The following VPS16 variants were observed in gnomAD, a reference collection of about 807,000 sequenced individuals.
VPS16 encodes the protein VPS16 core subunit of CORVET and HOPS complexes, also known as vacuolar protein sorting-associated protein 16 homolog.
VPS16 carries 82 observed loss-of-function variants against 116.0 expected under a neutral mutation model. That is an observed-to-expected ratio of 0.71 (90% CI 0.59 to 0.85). The LOEUF is 0.85. Ranked by LOEUF, VPS16 falls within the 40% of genes least tolerant of loss-of-function variation. The probability of loss-of-function intolerance (pLI) is 0.00; values close to 1 mark genes in which losing one functional copy is unlikely to be tolerated. For synonymous variants in VPS16, 406 were observed against 420.7 expected, an observed-to-expected ratio of 0.96 and a Z score of 0.43; for missense variants, 928 against 1,090.6, an observed-to-expected ratio of 0.85 and a Z score of 2.10.
At chr20:2,842,760 CTATA>C (rs1476503883) in intron 1 of VPS16, among the ~76,000 whole-genome samples, 4 of 76,028 alleles carry the variant, frequency 5.3e-5, no homozygotes, top group South Asian at 9.9e-4. Flanking sequence ...ATGTATCTAT[CTATA>C]GATAGACATA....
chr20:2,861,126 C>G, intron 7 of VPS16, 34 bp downstream of exon 7: 1 of 1,614,194 alleles, frequency 6.2e-7, no homozygotes, highest in Non-Finnish European at 8.5e-7. Context: ...GGTACTGTGC[C>G]TTGTCCAGGG....
rs2042423032 is a variant in VPS16, at chr20:2,863,752, ACT to A, written c.1477-194_1477-193del. 6.6e-6 allele frequency among the ~76,000 whole-genome samples: 1 copy of A among 151,612 alleles called. No homozygotes were observed. The highest frequency in any genetic ancestry group is 6.6e-5 in the Admixed American group (1 of 15,198). ...ACTCCAGCCTGGGCGACAGAGCAAG[ACT>A]CTGTCTCAAAAAAAAAGAAAGAAGT... On this transcript the variant is annotated intron_variant, in intron 15 of 23. Coordinates refer to ENST00000380445, the MANE Select transcript of VPS16 (RefSeq NM_022575.4). The surrounding 1 kb of genome is among the most constrained non-coding windows in gnomAD (Gnocchi z 4.4).
Position 2,865,662 on chromosome 20 carries a change from T to A in VPS16, c.2271+167T>A, listed in dbSNP as rs556807008. Among the ~76,000 whole-genome samples, 1 of 152,304 alleles carries A rather than the reference T, an allele frequency of 6.6e-6. No homozygotes were observed. Among genetic ancestry groups the A allele is most frequent in the Non-Finnish European group, 1.5e-5 (1 of 68,020 alleles). On this transcript the variant is annotated intron_variant, in intron 22 of 23. Transcript: ENST00000380445. This position sits in a 1 kb window ranked among gnomAD's most constrained non-coding sequence, Gnocchi z 5.2. ...ATTTGTGGGCAGGCATCATCTGCTG[T>A]GTTGGGTGCACTGGAGGATGGGTCC...
Position 2,863,512 on chromosome 20 carries a change from C to T in VPS16, c.1476+114C>T. On this transcript the variant is annotated intron_variant, in intron 15 of 23. Coordinates refer to ENST00000380445, the MANE Select transcript of VPS16 (RefSeq NM_022575.4). This position sits in a 1 kb window ranked among gnomAD's most constrained non-coding sequence, Gnocchi z 4.4. ...GCACGGTGGCTCATGCCTGTAATCC[C>T]AACACTTTGGGAGGCTGAGGCGGGC... The T allele has an allele frequency of 9.3e-7, 1 of 1,079,440 alleles. No homozygotes were observed. Among genetic ancestry groups the T allele is most frequent in the Non-Finnish European group, 1.4e-6 (1 of 736,690 alleles). The allele number at this position is 1,079,440 out of a possible 1,614,324, so 66.9% of individuals were successfully genotyped here.
In VPS16 at chr20:2,865,537, A is replaced by G. The variant is rs1043579688; in HGVS notation, c.2271+42A>G. The G allele has an allele frequency of 6.3e-6, 10 of 1,575,552 alleles. No homozygotes were observed. The highest frequency in any genetic ancestry group is 5.2e-5 in the Admixed American group (3 of 58,072). ...CCTCCAGCCCACTTCCAGTGAGGGT[A>G]GTCTTCGGGAGAGAGGGCTAGGCAG... On this transcript the variant is annotated intron_variant, in intron 22 of 23. Transcript: ENST00000380445. The surrounding 1 kb of genome is among the most constrained non-coding windows in gnomAD (Gnocchi z 5.2).
In VPS16 at chr20:2,860,158, A is replaced by G; in HGVS notation, c.240+7A>G. 1.2e-6 allele frequency: 2 copies of G among 1,614,016 alleles called. No homozygotes were observed. Among genetic ancestry groups the G allele is most frequent in the Non-Finnish European group, 1.7e-6 (2 of 1,180,000 alleles). On this transcript the variant is annotated splice_region_variant and intron_variant, in intron 3 of 23. Coordinates refer to ENST00000380445, the MANE Select transcript of VPS16 (RefSeq NM_022575.4). This position sits in a 1 kb window ranked among gnomAD's most constrained non-coding sequence, Gnocchi z 6.1. ...GCCTCTGGCCAGCCTGCTGGTGAGC[A>G]CTTCTGATGGTCCCTGGGGCTCAGG...
rs775424332 is a variant in VPS16 at position 2,865,262 on chromosome 20, G to A, written c.2119G>A (p.Gly707Ser). Residue 707 changes from glycine (G) to serine (S), a missense_variant, in exon 21 of 24, where the codon GGT (glycine) becomes AGT (serine). Physicochemically the swap from Gly to Ser is moderately conservative, Grantham distance 56. Transcript: ENST00000380445. The surrounding 1 kb of genome is among the most constrained non-coding windows in gnomAD (Gnocchi z 5.2). The stretch of plus-strand genomic sequence containing the variant: ...CACAGTTACCACCCTCATTCTTGGC[G>A]GTCACAACAAGCGTGCAGAGCAGCT... ...HDTVTTLILGGHNKRAEQLAR... is the reference protein window; with the variant it reads ...HDTVTTLILGSHNKRAEQLAR... 13 of 1,614,110 alleles carry A rather than the reference G, an allele frequency of 8.1e-6. No homozygotes were observed. The highest frequency in any genetic ancestry group is 1.6e-4 in the Middle Eastern group (1 of 6,062).
chr20:2,861,534 C>T (rs1309043030), intron 8 of VPS16, 81 bp from the exon 9 acceptor site: 15 of 1,494,836 alleles, frequency 1.0e-5, no homozygotes, highest in East Asian at 4.9e-5. Context: ...CAGGCTGTCC[C>T]GAGACAAAGG....
chr20:2,863,066 T>C lies in VPS16; in HGVS notation c.1333T>C (p.Tyr445His). 1 of 1,614,004 alleles carries C rather than the reference T, an allele frequency of 6.2e-7. No individual in the cohort carries two copies. Among genetic ancestry groups the C allele is most frequent in the Non-Finnish European group, 8.5e-7 (1 of 1,180,022 alleles). Residue 445 changes from tyrosine (Y) to histidine (H), a missense_variant and splice_region_variant, in exon 14 of 24, where the codon TAT becomes CAT. Coordinates refer to ENST00000380445, the MANE Select transcript of VPS16 (RefSeq NM_022575.4). This position sits in a 1 kb window ranked among gnomAD's most constrained non-coding sequence, Gnocchi z 4.4. Reference sequence around the variant, plus strand: ...GATCCTTAACCGAGGAAAATACAGATATAAGCAGCTCACCATCCAGGTGCT... The same window carrying C: ...GATCCTTAACCGAGGAAAATACAGACATAAGCAGCTCACCATCCAGGTGCT... Reference protein sequence around the residue: ...HIGIPLTYSQYKQLTIQVLLD... With the variant: ...HIGIPLTYSQHKQLTIQVLLD...
rs759922540 is a variant in VPS16 at position 2,864,158 on chromosome 20, GC to G, written c.1612-19del. ...CCCCATGCCAGCTCCTTCTCTCTGT[GC>G]CTTCCTTCTCACCTCACAGCTGCTG... On this transcript the variant is annotated intron_variant, in intron 16 of 23. Coordinates refer to ENST00000380445, the MANE Select transcript of VPS16 (RefSeq NM_022575.4). The surrounding 1 kb of genome is among the most constrained non-coding windows in gnomAD (Gnocchi z 5.2). 4.3e-6 allele frequency: 7 copies of G among 1,614,172 alleles called. No homozygotes were observed. Among genetic ancestry groups the G allele is most frequent in the Non-Finnish European group, 5.9e-6 (7 of 1,180,002 alleles).
chr20:2,843,443 AAAAAG>A (rs957765887), intron 1 of VPS16, among the ~76,000 whole-genome samples: 2 of 152,094 alleles, frequency 1.3e-5, no homozygotes, highest in African/African-American at 4.8e-5. Flanking sequence ...GGGAAAAAAA[AAAAAG>A]AAAAGAAATA....
chr20:2,849,196 G>C (rs2089091684), intron 1 of VPS16, among the ~76,000 whole-genome samples: 1 of 152,054 alleles, frequency 6.6e-6, no homozygotes, highest in Non-Finnish European at 1.5e-5. Context: ...TTTCACATGA[G>C]AAATGGTGTG....
rs543158583 is a variant in VPS16 at position 2,861,052 on chromosome 20, C to G, written c.713C>G (p.Thr238Arg). 1 of 1,614,248 alleles carries G rather than the reference C, an allele frequency of 6.2e-7. No individual in the cohort carries two copies. Among genetic ancestry groups the G allele is most frequent in the South Asian group, 1.1e-5 (1 of 91,092 alleles). Reference protein sequence around the residue: ...SFTYRHLALFTDTGYIWMGTA... With the variant: ...SFTYRHLALFRDTGYIWMGTA... The stretch of plus-strand genomic sequence containing the variant: ...ACCTACCGACACCTGGCACTCTTCA[C>G]AGACACAGGCTACATCTGGATGGGG... The change falls in exon 7 of 24, where the codon ACA becomes AGA. Residue 238 changes from threonine (T) to arginine (R), a missense_variant. Thr to Arg is a moderately conservative substitution (Grantham distance 71). Transcript: ENST00000380445.
intron 11 of VPS16, 142 bp from the exon 12 acceptor site, chr20:2,862,437 T>C: frequency 6.9e-7 from 1 of 1,450,712 alleles, no homozygotes; most frequent in Non-Finnish European, 9.1e-7. Context: ...TCAGGTGGAT[T>C]GAGTGGGCTG....
At chr20:2,844,541 A>G (rs2089039777) in intron 1 of VPS16, among the ~76,000 whole-genome samples, 2 of 152,236 alleles carry the variant, frequency 1.3e-5, no homozygotes, top group African/African-American at 4.8e-5. Flanking sequence ...GATGTGGAAG[A>G]GTTCTGCCTG....
In VPS16 at chr20:2,864,565, C is replaced by T; in HGVS notation, c.1837C>T (p.Leu613=). ...LYRQFCKHQE[L]ETLKDLYNQD... The stretch of plus-strand genomic sequence containing the variant: ...GCCCCAGTTCTGTAAGCATCAGGAG[C>T]TAGAGACGCTGAAGGACCTTTACAA... Residue 613 remains leucine, a synonymous_variant, in exon 19 of 24, where the codon CTA becomes TTA. Coordinates refer to ENST00000380445, the MANE Select transcript of VPS16 (RefSeq NM_022575.4). The surrounding 1 kb of genome is among the most constrained non-coding windows in gnomAD (Gnocchi z 5.2). The T allele has an allele frequency of 6.2e-7, 1 of 1,614,132 alleles. No homozygotes were observed. The highest frequency in any genetic ancestry group is 8.5e-7 in the Non-Finnish European group (1 of 1,180,038).
intron 1 of VPS16, among the ~76,000 whole-genome samples, chr20:2,858,581 G>T (rs558615855): frequency 5.9e-5 from 9 of 152,022 alleles, no homozygotes; most frequent in South Asian, 4.2e-4. Flanking sequence ...TAATGAGAAG[G>T]TCCCTGAAAT....
chr20:2,866,444 C>T lies in VPS16; in HGVS notation c.2390C>T (p.Ala797Val). 2 of 1,614,170 alleles carry T rather than the reference C, an allele frequency of 1.2e-6. No individual in the cohort carries two copies. Among genetic ancestry groups the T allele is most frequent in the Non-Finnish European group, 1.7e-6 (2 of 1,180,030 alleles). ...TCAAACCACAGCGATGTGGCTCAGG[C>T]TGCAGATGTGGCCATCGAACACCGG... is the stretch of plus-strand genomic sequence containing the variant. ...ALLLVGDVAQ[A>V]ADVAIEHRNE... The change falls in exon 24 of 24, where the codon GCT becomes GTT. Residue 797 changes from alanine (A) to valine (V), a missense_variant. By Grantham distance (64) the Ala-to-Val change is moderately conservative. Transcript: ENST00000380445.
intron 1 of VPS16, among the ~76,000 whole-genome samples, chr20:2,853,919 T>C (rs1360121497): frequency 6.6e-6 from 1 of 151,912 alleles, no homozygotes; most frequent in Admixed American, 6.6e-5. Context: ...GCGATCTGCC[T>C]GCCTCAGCCT....
Sources: allele counts gnomAD v4.1 joint callset (sites outside exome capture counted in the v4.1 genomes callset), GRCh38; gene constraint gnomAD v4.1.1; non-coding constraint Gnocchi (gnomAD v3.1); transcripts MANE v1.5; gene names NCBI Gene and HGNC (gene_info 2026-07-23, HGNC 2026-07-21).